Variants in RNF38 observed in about 807,000 individuals in gnomAD.
RNF38 encodes the protein E3 ubiquitin-protein ligase RNF38.
In RNF38, 15 loss-of-function variants were observed where a neutral mutation model predicts 67.2. That is an observed-to-expected ratio of 0.22 (90% CI 0.15 to 0.34). The LOEUF (loss-of-function observed/expected upper bound fraction) is 0.34, where lower values mean the gene tolerates loss of function less well. Among genes scored for constraint, RNF38 ranks in the 10% least tolerant of loss-of-function variants. The probability of loss-of-function intolerance (pLI) is 1.00; values close to 1 mark genes in which losing one functional copy is unlikely to be tolerated. For synonymous variants in RNF38, 220 were observed against 218.8 expected (o/e 1.01, Z -0.05); for missense variants, 524 against 639.9 (o/e 0.82, Z 1.95).
At chr9:36,426,206 C>A (rs946581763) in intron 1 of RNF38, among the ~76,000 whole-genome samples, 1 of 152,066 alleles carries the variant, frequency 6.6e-6, no homozygotes, top group African/African-American at 2.4e-5. Context: ...TCACATACTA[C>A]ACAATTATCT....
chr9:36,465,307 G>C (rs1166530813), intron 1 of RNF38, among the ~76,000 whole-genome samples: 1 of 152,148 alleles, frequency 6.6e-6, no homozygotes, highest in African/African-American at 2.4e-5. Flanking sequence ...ATATGTCCAT[G>C]TAAAAACTTG....
chr9:36,400,570 C>T, upstream of RNF38: 1 of 987,492 alleles, frequency 1.0e-6, no homozygotes, highest in South Asian at 4.6e-5. Context: ...GGGGAGGCTC[C>T]GCCCTGCCGG....
chr9:36,346,366 T>C (rs1833241413), intron 9 of RNF38, among the ~76,000 whole-genome samples: 1 of 152,106 alleles, frequency 6.6e-6, no homozygotes, highest in South Asian at 2.1e-4. Context: ...TATTTTTTAT[T>C]TTTTAGTAGA....
intron 1 of RNF38, among the ~76,000 whole-genome samples, chr9:36,390,877 C>T (rs1403849201): frequency 6.6e-6 from 1 of 152,172 alleles, no homozygotes; most frequent in East Asian, 1.9e-4. Context: ...TCCCAAATAC[C>T]TATTGGTAAC....
At chr9:36,445,334 A>G (rs1057292100) in intron 1 of RNF38, among the ~76,000 whole-genome samples, 3 of 152,228 alleles carry the variant, frequency 2.0e-5, no homozygotes, top group Non-Finnish European at 4.4e-5. Flanking sequence ...TACAAAGTAG[A>G]TTTTGTGGCC....
chr9:36,387,917 G>A lies in RNF38; in HGVS notation c.162+2550C>T, dbSNP rs138935015. Among the ~76,000 whole-genome samples the A allele has an allele frequency of 3.5e-3, 537 of 151,894 alleles. 2 individuals carry two copies. Among genetic ancestry groups the A allele is most frequent in the Non-Finnish European group, 5.9e-3 (403 of 67,948 alleles). ...AAAAAAAACAGGAAACTACCCAAAT[G>A]TCAAGCAAAAAGAAAGGAGACAAGC... is the stretch of plus-strand genomic sequence containing the variant. On this transcript the variant is annotated intron_variant, in intron 2 of 11. Coordinates refer to ENST00000259605, the MANE Select transcript of RNF38 (RefSeq NM_022781.5).
chr9:36,400,411 C>G (rs1382190752), upstream of RNF38: 3 of 1,127,792 alleles, frequency 2.7e-6, no homozygotes, highest in East Asian at 1.4e-4. Context: ...TGAGACCGCG[C>G]CTCCTCGCCA....
At chr9:36,341,098 A>G (rs1191041851) in intron 11 of RNF38, among the ~76,000 whole-genome samples, 1 of 152,138 alleles carries the variant, frequency 6.6e-6, no homozygotes, top group East Asian at 1.9e-4. Context: ...AAATGCTTTC[A>G]GGATCACACT....
intron 4 of RNF38, among the ~76,000 whole-genome samples, chr9:36,361,398 C>T (rs1032240383): frequency 2.7e-5 from 4 of 149,076 alleles, no homozygotes; most frequent in East Asian, 2.0e-4. Context: ...CTCCTGACCT[C>T]GTGATCCGCC....
At chr9:36,401,227 G>A (rs1838015851), upstream of RNF38, 2 of 983,524 alleles carry the variant, frequency 2.0e-6, no homozygotes, top group African/African-American at 1.8e-5. Context: ...GCGGGGCTGC[G>A]CGCGGCCCGG....
chr9:36,382,488 TC>T (rs1206501467), intron 2 of RNF38, among the ~76,000 whole-genome samples: 4 of 152,140 alleles, frequency 2.6e-5, no homozygotes, highest in Non-Finnish European at 5.9e-5. Flanking sequence ...GATGAACAAG[TC>T]AGAAGTCATT....
intron 1 of RNF38, among the ~76,000 whole-genome samples, chr9:36,439,963 G>A (rs905561192): frequency 6.6e-6 from 1 of 151,968 alleles, no homozygotes; most frequent in Admixed American, 6.6e-5. Context: ...TTACTGACAT[G>A]GGCCAGGCAC....
intron 2 of RNF38, among the ~76,000 whole-genome samples, chr9:36,388,610 C>CCA (rs1380410414): frequency 6.6e-6 from 1 of 152,066 alleles, no homozygotes; most frequent in Non-Finnish European, 1.5e-5. Context: ...AGCCACACAC[C>CCA]CAACTCCTCA....
Position 36,336,926 on chromosome 9 carries a change from G to GA in RNF38, c.*2825dup, listed in dbSNP as rs1321135146. 6.6e-6 allele frequency: 1 copy of GA among 152,088 alleles called. No individual in the cohort carries two copies. Among genetic ancestry groups the GA allele is most frequent in the Non-Finnish European group, 1.5e-5 (1 of 68,006 alleles). 9.4% of individuals were successfully genotyped at this position (152,088 alleles called of 1,614,324 possible). A position where few individuals can be genotyped will look rare whatever the true frequency, so the allele number is the denominator to read the frequency against. ...GATTTTGCTCAAAAAATTAAGGACA[G>GA]AAAATCCTAATATGAGATCTTGATA... On this transcript the variant is annotated 3_prime_UTR_variant, in exon 12 of 12. Transcript: ENST00000259605.
At chr9:36,439,384 T>C (rs998498883) in intron 1 of RNF38, among the ~76,000 whole-genome samples, 1 of 149,408 alleles carries the variant, frequency 6.7e-6, no homozygotes, top group African/African-American at 2.4e-5. Context: ...GTGACCCTCA[T>C]TTTTTTTTCC....
At chr9:36,413,971 CA>C (rs1401484726) in intron 2 of RNF38, among the ~76,000 whole-genome samples, 6 of 152,158 alleles carry the variant, frequency 3.9e-5, no homozygotes, top group Non-Finnish European at 5.9e-5. Flanking sequence ...GTCCTTTTAT[CA>C]TTACATAATG....
chr9:36,487,211 G>T, intron 1 of RNF38: 1 of 783,520 alleles, frequency 1.3e-6, no homozygotes, highest in Non-Finnish European at 1.5e-6. Flanking sequence ...GCTCCTCCCC[G>T]TCGGCGGGGC....
intron 2 of RNF38, among the ~76,000 whole-genome samples, chr9:36,388,965 A>G (rs1836859842): frequency 2.0e-5 from 3 of 152,032 alleles, no homozygotes; most frequent in Admixed American, 2.0e-4. Flanking sequence ...CCCTTTTTTA[A>G]AAGATATCAA....
At chr9:36,440,039 A>T (rs1839159409) in intron 1 of RNF38, among the ~76,000 whole-genome samples, 1 of 152,138 alleles carries the variant, frequency 6.6e-6, no homozygotes, top group African/African-American at 2.4e-5. Context: ...TGAGGTCAGG[A>T]GTTCGAGGCC....
Sources: gnomAD v4.1 joint callset for allele counts (sites outside exome capture counted in the v4.1 genomes callset) on GRCh38, gnomAD v4.1.1 for gene constraint, MANE v1.5 for transcripts, NCBI Gene and HGNC (gene_info 2026-07-23, HGNC 2026-07-21) for gene names.